The following TRABD2B variants were observed in gnomAD, a reference collection of about 807,000 sequenced individuals.
The protein encoded by TRABD2B is TraB domain containing 2B.
A neutral mutation model predicts 40.1 loss-of-function variants in TRABD2B; 14 were observed. The ratio of observed to expected loss-of-function variants is 0.35; its 90% CI spans 0.23 to 0.55. The LOEUF (loss-of-function observed/expected upper bound fraction) is 0.55, where lower values mean the gene tolerates loss of function less well. Among genes scored for constraint, TRABD2B ranks in the 20% least tolerant of loss-of-function variants. The pLI, the probability that TRABD2B is intolerant of heterozygous loss-of-function variation, is 0.90. For missense variants in TRABD2B, 541 were observed against 648.6 expected (o/e 0.83, Z 1.80); for synonymous variants, 263 against 277.0 (o/e 0.95, Z 0.50).
rs1294181327 is a variant in TRABD2B, at chr1:47,764,182, G to A, written c.*1720C>T. On this transcript the variant is annotated 3_prime_UTR_variant, in exon 7 of 7. Transcript: ENST00000606738. ...AATTAGCTGCCATCAAGCCTGCCAG[G>A]GAAACCCACGAAGCTATAAAGTTGG... The A allele has an allele frequency of 6.6e-6, 1 of 152,284 alleles. No individual in the cohort carries two copies. Among genetic ancestry groups the A allele is most frequent in the Non-Finnish European group, 1.5e-5 (1 of 68,066 alleles). The allele number at this position is 152,284 out of a possible 1,614,324, so 9.4% of individuals were successfully genotyped here.
chr1:47,764,617 T>C lies in TRABD2B; in HGVS notation c.*1285A>G, dbSNP rs1357153536. The C allele has an allele frequency of 6.6e-6, 1 of 152,218 alleles. No individual in the cohort carries two copies. Among genetic ancestry groups the C allele is most frequent in the Non-Finnish European group, 1.5e-5 (1 of 68,036 alleles). 9.4% of individuals were successfully genotyped at this position (152,218 alleles called of 1,614,324 possible). ...GTCAGGACATGCGACACATGGCACA[T>C]GCAGTTGCCAGAGCCCTTTGGCCAG... On this transcript the variant is annotated 3_prime_UTR_variant, in exon 7 of 7. Transcript: ENST00000606738.
At chr1:47,946,997 G>A (rs1211258062) in intron 2 of TRABD2B, among the ~76,000 whole-genome samples, 1 of 151,462 alleles carries the variant, frequency 6.6e-6, no homozygotes, top group Admixed American at 6.6e-5. Context: ...ACCCTTTATT[G>A]AGCTCCTGGT....
chr1:47,825,492 A>G (rs7523205), intron 2 of TRABD2B, among the ~76,000 whole-genome samples: 148,588 of 152,312 alleles, frequency 0.98, 72,592 homozygotes, highest in East Asian at 1. Flanking sequence ...TATGCCCTCC[A>G]CCTAGAAGGG....
chr1:47,879,951 C>T (rs1644279013), intron 2 of TRABD2B, among the ~76,000 whole-genome samples: 1 of 152,320 alleles, frequency 6.6e-6, no homozygotes, highest in Admixed American at 6.5e-5. Flanking sequence ...GATTCTTTGT[C>T]TGGAGTAACA....
At chr1:47,946,170 T>G (rs1645257482) in intron 2 of TRABD2B, among the ~76,000 whole-genome samples, 1 of 152,240 alleles carries the variant, frequency 6.6e-6, no homozygotes, top group Non-Finnish European at 1.5e-5. Flanking sequence ...TTATGGTACT[T>G]ACTTGCCATT....
chr1:47,960,199 T>C (rs546816434), intron 2 of TRABD2B, among the ~76,000 whole-genome samples: 1 of 152,334 alleles, frequency 6.6e-6, no homozygotes, highest in East Asian at 1.9e-4. Flanking sequence ...AAACTAGGTA[T>C]TGATGGGACG....
rs1186495877 is a variant in TRABD2B at position 47,979,012 on chromosome 1, G to A, written c.666+15022C>T. 5.3e-5 allele frequency among the ~76,000 whole-genome samples: 8 copies of A among 152,064 alleles called. No homozygotes were observed. The East Asian group carries it at 1.6e-3, about 30-fold the overall frequency. On this transcript the variant is annotated intron_variant, in intron 2 of 6. Transcript: ENST00000606738. The stretch of plus-strand genomic sequence containing the variant: ...AGCCCTTAGGGCCCCTTTGGAAATG[G>A]AGGATCAGGGGGATGCTACAGCCGC...
chr1:47,940,397 T>A lies in TRABD2B; in HGVS notation c.666+53637A>T, dbSNP rs568826594. Among the ~76,000 whole-genome samples, 5 of 152,206 alleles carry A rather than the reference T, an allele frequency of 3.3e-5. No homozygotes were observed. The South Asian group carries it at 1.0e-3, about 31-fold the overall frequency. On this transcript the variant is annotated intron_variant, in intron 2 of 6. Coordinates refer to ENST00000606738, the MANE Select transcript of TRABD2B (RefSeq NM_001194986.2). The stretch of plus-strand genomic sequence containing the variant: ...CGACGATGGCGATGATGGAATTTGT[T>A]GGGGTGTACTATGGACAGGGACTAT...
chr1:47,768,493 C>A (rs1412759274), intron 6 of TRABD2B, among the ~76,000 whole-genome samples: 1 of 152,302 alleles, frequency 6.6e-6, no homozygotes, highest in Admixed American at 6.5e-5. Flanking sequence ...AGTCTTGCTG[C>A]CATTTTCCTA....
At position 47,785,554 on chromosome 1, in the gene TRABD2B, A is replaced by G. The variant is rs190023521; in HGVS notation, c.989-7010T>C. On this transcript the variant is annotated intron_variant, in intron 4 of 6. Coordinates refer to ENST00000606738, the MANE Select transcript of TRABD2B (RefSeq NM_001194986.2). ...AAAGATGGTTACAAATTCCGAGAGGAGCAACCCTGCTGAGGCTAACAGAAC... is the reference window on the plus strand; with the variant it reads ...AAAGATGGTTACAAATTCCGAGAGGGGCAACCCTGCTGAGGCTAACAGAAC... Among the ~76,000 whole-genome samples, 673 of 152,332 alleles carry G rather than the reference A, an allele frequency of 4.4e-3. 2 individuals are homozygous for G. The highest frequency in any genetic ancestry group is 7.5e-3 in the Non-Finnish European group (509 of 68,024).
At chr1:47,987,393 CCATTCCTA>C (rs1023300454) in intron 2 of TRABD2B, among the ~76,000 whole-genome samples, 1 of 152,144 alleles carries the variant, frequency 6.6e-6, no homozygotes, top group Non-Finnish European at 1.5e-5. Context: ...TGAGATTTCA[CCATTCCTA>C]GATTCTTTGA....
chr1:47,836,514 T>C (rs990934876), intron 2 of TRABD2B, among the ~76,000 whole-genome samples: 1 of 152,270 alleles, frequency 6.6e-6, no homozygotes. Flanking sequence ...ATTATGTGTG[T>C]TGTCCTTAAA....
intron 2 of TRABD2B, among the ~76,000 whole-genome samples, chr1:47,868,270 G>A (rs781780129): frequency 1.6e-4 from 24 of 152,180 alleles, no homozygotes; most frequent in Non-Finnish European, 3.4e-4. Flanking sequence ...TATTCCCAGA[G>A]CCTAATCTAG....
intron 2 of TRABD2B, among the ~76,000 whole-genome samples, chr1:47,870,358 C>T (rs1306233957): frequency 1.3e-5 from 2 of 152,126 alleles, no homozygotes; most frequent in African/African-American, 4.8e-5. Context: ...TTCTGTGTTG[C>T]TGGTAGCTGC....
intron 2 of TRABD2B, among the ~76,000 whole-genome samples, chr1:47,952,486 G>A (rs2148386318): frequency 6.6e-6 from 1 of 152,250 alleles, no homozygotes; most frequent in Non-Finnish European, 1.5e-5. Flanking sequence ...GCTACTTCAG[G>A]CCTCCAGTCC....
rs143178262 is a variant in TRABD2B at position 47,768,100 on chromosome 1, G to T, written c.1350-1994C>A. On this transcript the variant is annotated intron_variant, in intron 6 of 6. Transcript: ENST00000606738. Reference sequence around the variant, plus strand: ...TTGACGTATGTCATTAAAGAGAGGGGTCCTCACTCACTGCCCCATCCCTCT... The same window carrying T: ...TTGACGTATGTCATTAAAGAGAGGGTTCCTCACTCACTGCCCCATCCCTCT... 5.7e-3 allele frequency among the ~76,000 whole-genome samples: 864 copies of T among 152,218 alleles called. 12 individuals carry two copies. The highest frequency in any genetic ancestry group is 0.017 in the South Asian group (81 of 4,822).
At chr1:47,847,362 T>C (rs528521049) in intron 2 of TRABD2B, among the ~76,000 whole-genome samples, 19 of 152,242 alleles carry the variant, frequency 1.2e-4, no homozygotes, top group Non-Finnish European at 2.2e-4. Flanking sequence ...TTCTTCCATC[T>C]TGGAGGAAGG....
chr1:47,804,547 G>C (rs1464834949), intron 2 of TRABD2B, among the ~76,000 whole-genome samples: 1 of 152,204 alleles, frequency 6.6e-6, no homozygotes, highest in African/African-American at 2.4e-5. Flanking sequence ...CAGGCACCCA[G>C]AAGAGCTGAC....
chr1:47,817,202 C>T (rs1645045325), intron 2 of TRABD2B, among the ~76,000 whole-genome samples: 1 of 152,006 alleles, frequency 6.6e-6, no homozygotes, highest in Admixed American at 6.5e-5. Context: ...GCCATGTTTT[C>T]CATCCCCCCC....
Sources: gnomAD v4.1 joint callset for allele counts (sites outside exome capture counted in the v4.1 genomes callset) on GRCh38, gnomAD v4.1.1 for gene constraint, MANE v1.5 for transcripts, NCBI Gene and HGNC (gene_info 2026-07-23, HGNC 2026-07-21) for gene names.